WDR49: variants seen among roughly 807,000 people sequenced by gnomAD.
WDR49 encodes the protein cilia- and flagella-associated protein 337.
In WDR49, 107 loss-of-function variants were observed where a neutral mutation model predicts 119.5. That is an observed-to-expected ratio of 0.90 (90% CI 0.77 to 1.05). WDR49 has a LOEUF of 1.05. Among genes scored for constraint, WDR49 ranks in the 50% least tolerant of loss-of-function variants. The pLI, the probability that WDR49 is intolerant of heterozygous loss-of-function variation, is 0.00. For synonymous variants in WDR49, 425 were observed against 418.8 expected, an observed-to-expected ratio of 1.01 and a Z score of -0.18; for missense variants, 1,240 against 1,220.5, an observed-to-expected ratio of 1.02 and a Z score of -0.24.
intron 8 of WDR49, among the ~76,000 whole-genome samples, chr3:167,568,982 G>T (rs557696385): frequency 3.3e-5 from 5 of 150,142 alleles, no homozygotes; most frequent in Non-Finnish European, 7.4e-5. Flanking sequence ...TTGCTCTGTC[G>T]CCCAGGTTGG....
intron 18 of WDR49, among the ~76,000 whole-genome samples, chr3:167,490,299 C>G (rs12494288): frequency 0.15 from 22,220 of 151,988 alleles, 2,050 homozygotes; most frequent in African/African-American, 0.27. Context: ...AAATTTTGGT[C>G]TGTGTGTGTT....
chr3:167,633,088 C>CGT (rs3061397), intron 2 of WDR49, among the ~76,000 whole-genome samples: 3,059 of 147,036 alleles, frequency 0.021, 36 homozygotes, highest in African/African-American at 0.04. Flanking sequence ...TAGCCAAACT[C>CGT]GTGTGTGTGT....
chr3:167,581,016 T>A (rs1208322310), intron 7 of WDR49, among the ~76,000 whole-genome samples: 1 of 152,170 alleles, frequency 6.6e-6, no homozygotes, highest in Non-Finnish European at 1.5e-5. Flanking sequence ...ATCTGAGAAC[T>A]TGTGATATCT....
At chr3:167,645,806 A>C (rs1718094692) in intron 2 of WDR49, among the ~76,000 whole-genome samples, 1 of 152,134 alleles carries the variant, frequency 6.6e-6, no homozygotes, top group African/African-American at 2.4e-5. Context: ...TGTCTCTCAT[A>C]GCCTGCCTGG....
rs538852837 is a variant in WDR49, at chr3:167,529,146, C to T, written c.2312G>A (p.Ser771Asn). Residue 771 changes from serine to asparagine, a missense_variant, in exon 14 of 19, where the codon AGT becomes AAT. Ser to Asn is a conservative substitution (Grantham distance 46, BLOSUM62 1). Coordinates refer to ENST00000682715, the MANE Select transcript of WDR49 (RefSeq NM_001366157.1). ...KQLLAEFLAH[S>N]GVGSIIMSTD... Reference sequence around the variant, plus strand: ...AGACATAATAATCGATCCAACTCCACTATGAGCCAAAAATTCAGCCAGAAG... The same window carrying T: ...AGACATAATAATCGATCCAACTCCATTATGAGCCAAAAATTCAGCCAGAAG... The T allele has an allele frequency of 1.6e-5, 25 of 1,612,306 alleles. No individual in the cohort carries two copies. Among genetic ancestry groups the T allele is most frequent in the Admixed American group, 5.0e-5 (3 of 59,538 alleles).
intron 2 of WDR49, among the ~76,000 whole-genome samples, chr3:167,630,654 T>C (rs147283798): frequency 4.6e-5 from 7 of 152,142 alleles, no homozygotes; most frequent in Non-Finnish European, 7.4e-5. Flanking sequence ...TGAAGCCACA[T>C]GCAATTGATT....
intron 8 of WDR49, among the ~76,000 whole-genome samples, chr3:167,569,573 T>C (rs1713809251): frequency 6.6e-6 from 1 of 151,974 alleles, no homozygotes; most frequent in Non-Finnish European, 1.5e-5. Context: ...TGCCTATGCC[T>C]GTAATCCCAG....
At chr3:167,497,325 G>A (rs1038243333) in intron 18 of WDR49, among the ~76,000 whole-genome samples, 6 of 151,988 alleles carry the variant, frequency 3.9e-5, no homozygotes, top group South Asian at 4.2e-4. Context: ...TCAAAACAGG[G>A]AAGTAAAGGA....
At chr3:167,563,161 T>G (rs904464898) in intron 8 of WDR49, among the ~76,000 whole-genome samples, 1 of 152,028 alleles carries the variant, frequency 6.6e-6, no homozygotes, top group African/African-American at 2.4e-5. Flanking sequence ...AGTCAGGAGA[T>G]AGCGACCACG....
At chr3:167,511,019 T>C (rs1751951229) in intron 16 of WDR49, among the ~76,000 whole-genome samples, 1 of 152,184 alleles carries the variant, frequency 6.6e-6, no homozygotes, top group African/African-American at 2.4e-5. Context: ...GGGCACATTC[T>C]TCGGAAGAAT....
upstream of WDR49, among the ~76,000 whole-genome samples, chr3:167,657,029 C>T (rs1718620191): frequency 6.6e-6 from 1 of 152,178 alleles, no homozygotes; most frequent in Non-Finnish European, 1.5e-5. Context: ...ACCGAATAGA[C>T]ACACCCATCT....
intron 6 of WDR49, among the ~76,000 whole-genome samples, chr3:167,602,922 C>T (rs767341730): frequency 2.8e-4 from 42 of 151,998 alleles, no homozygotes; most frequent in South Asian, 1.0e-3. Flanking sequence ...AGTTTGTAGC[C>T]TAGGAGCAAT....
intron 16 of WDR49, among the ~76,000 whole-genome samples, chr3:167,518,100 A>G (rs1386840418): frequency 1.3e-5 from 2 of 151,978 alleles, no homozygotes; most frequent in Non-Finnish European, 2.9e-5. Flanking sequence ...TCCATGGTGT[A>G]TATGTGCCAC....
chr3:167,508,709 C>G (rs1479420430), intron 16 of WDR49, among the ~76,000 whole-genome samples: 1 of 152,112 alleles, frequency 6.6e-6, no homozygotes, highest in Non-Finnish European at 1.5e-5. Flanking sequence ...TTTTAAAGTT[C>G]AAATTTCAAA....
At chr3:167,601,739 T>C (rs1244166022) in intron 7 of WDR49, among the ~76,000 whole-genome samples, 1 of 152,178 alleles carries the variant, frequency 6.6e-6, no homozygotes, top group African/African-American at 2.4e-5. Flanking sequence ...TAACTGAGTC[T>C]CTTCAATATC....
At chr3:167,528,201 C>T (rs1752705431) in intron 14 of WDR49, among the ~76,000 whole-genome samples, 184 bp from the exon 15 acceptor site, 1 of 151,566 alleles carries the variant, frequency 6.6e-6, no homozygotes, top group Non-Finnish European at 1.5e-5. Context: ...AGGTTTCTAA[C>T]TTATCTGATT....
At chr3:167,612,197 A>C (rs932838854) in intron 5 of WDR49, among the ~76,000 whole-genome samples, 3 of 152,222 alleles carry the variant, frequency 2.0e-5, no homozygotes, top group African/African-American at 7.2e-5. Context: ...AAACTATACA[A>C]ATACATAGAA....
chr3:167,483,345 G>A (rs1028404559), intron 18 of WDR49, among the ~76,000 whole-genome samples: 4 of 152,110 alleles, frequency 2.6e-5, no homozygotes, highest in African/African-American at 4.8e-5. Context: ...CCGAAATTCT[G>A]TTTTATTGAG....
chr3:167,482,408 G>A (rs986133183), intron 18 of WDR49, among the ~76,000 whole-genome samples: 2 of 151,820 alleles, frequency 1.3e-5, no homozygotes, highest in Non-Finnish European at 2.9e-5. Flanking sequence ...GGTGACTCAC[G>A]CCTGTAATCC....
Sources: allele counts gnomAD v4.1 joint callset (sites outside exome capture counted in the v4.1 genomes callset), GRCh38; gene constraint gnomAD v4.1.1; transcripts MANE v1.5; gene names NCBI Gene and HGNC (gene_info 2026-07-23, HGNC 2026-07-21).